The following PTPRD variants were observed in gnomAD, a reference collection of about 807,000 sequenced individuals.
PTPRD encodes the protein receptor-type tyrosine-protein phosphatase delta.
PTPRD carries 34 observed loss-of-function variants against 214.5 expected under a neutral mutation model. That is an observed-to-expected ratio of 0.16 (90% CI 0.12 to 0.21). PTPRD has a LOEUF of 0.21. PTPRD is among the 10% of genes least tolerant of loss of function. The probability of loss-of-function intolerance (pLI) is 1.00; values close to 1 mark genes in which losing one functional copy is unlikely to be tolerated. For synonymous variants in PTPRD, 1,128 were observed against 845.7 expected (o/e 1.33, Z -5.79); for missense variants, 2,545 against 2,398.7 (o/e 1.06, Z -1.27).
chr9:8,323,860 G>A (rs1177502799), intron 44 of PTPRD, among the ~76,000 whole-genome samples: 1 of 152,172 alleles, frequency 6.6e-6, no homozygotes, highest in Admixed American at 6.6e-5. Context: ...TTTGAAAGAA[G>A]TTCTACTGTG....
chr9:10,216,463 C>T (rs2099541504), intron 3 of PTPRD, among the ~76,000 whole-genome samples: 1 of 151,846 alleles, frequency 6.6e-6, no homozygotes, highest in African/African-American at 2.4e-5. Context: ...TTTAAAAGAT[C>T]AATTAACTAT....
intron 2 of PTPRD, among the ~76,000 whole-genome samples, chr9:10,479,582 G>C (rs931841870): frequency 1.3e-5 from 2 of 150,604 alleles, no homozygotes; most frequent in East Asian, 3.9e-4. Context: ...CCAAGACCAA[G>C]CTAGCCTGGG....
At chr9:10,264,624 C>T (rs375591406) in intron 3 of PTPRD, among the ~76,000 whole-genome samples, 6 of 152,150 alleles carry the variant, frequency 3.9e-5, no homozygotes, top group African/African-American at 1.4e-4. Flanking sequence ...GATTTTACAG[C>T]CTCATAGGCC....
chr9:9,666,961 G>A (rs901265071), intron 7 of PTPRD, among the ~76,000 whole-genome samples: 4 of 151,706 alleles, frequency 2.6e-5, no homozygotes, highest in Non-Finnish European at 4.4e-5. Context: ...AGTGTTTTTT[G>A]TAACATTATT....
intron 8 of PTPRD, among the ~76,000 whole-genome samples, chr9:9,567,461 A>T (rs1394691740): frequency 6.6e-6 from 1 of 152,010 alleles, no homozygotes; most frequent in Non-Finnish European, 1.5e-5. Context: ...TTTTGAGAAG[A>T]GATGTGGATG....
intron 30 of PTPRD, among the ~76,000 whole-genome samples, chr9:8,473,230 C>T (rs745974): frequency 0.04 from 6,145 of 152,240 alleles, 402 homozygotes; most frequent in African/African-American, 0.14. Context: ...CACAGGATTA[C>T]ACCAGCTAGC....
At chr9:9,397,098 C>G (rs1034681368) in intron 9 of PTPRD, among the ~76,000 whole-genome samples, 6 of 151,932 alleles carry the variant, frequency 3.9e-5, no homozygotes, top group Non-Finnish European at 7.4e-5. Context: ...GTGTCAGTAT[C>G]CACTGGGTAT....
intron 9 of PTPRD, among the ~76,000 whole-genome samples, chr9:9,235,975 C>A (rs527827422): frequency 6.6e-6 from 1 of 152,142 alleles, no homozygotes; most frequent in Admixed American, 6.5e-5. Flanking sequence ...TTAAAAAGAG[C>A]AAAATTGGCC....
chr9:8,583,558 T>A (rs1393964935), intron 14 of PTPRD, among the ~76,000 whole-genome samples: 1 of 152,202 alleles, frequency 6.6e-6, no homozygotes, highest in Non-Finnish European at 1.5e-5. Context: ...TGATACCAGT[T>A]ATGTAGATTA....
chr9:10,166,243 GA>G lies in PTPRD; in HGVS notation c.-544-132454del, dbSNP rs778596359. On this transcript the variant is annotated intron_variant, in intron 3 of 45. Transcript: ENST00000381196. ...CTAGTAATAAAGGGACTGAAAAATT[GA>G]AAAAAAAAAAAAACAAAACACTCAC... Among the ~76,000 whole-genome samples the G allele has an allele frequency of 1.9e-3, 144 of 76,350 alleles. 2 individuals carry two copies. Among genetic ancestry groups the G allele is most frequent in the Middle Eastern group, 0.014 (2 of 146 alleles). The allele number at this position is 76,350 out of a possible 152,430, so 50.1% of individuals were successfully genotyped here.
intron 3 of PTPRD, among the ~76,000 whole-genome samples, chr9:10,103,036 T>G (rs2098576375): frequency 6.6e-6 from 1 of 151,604 alleles, no homozygotes; most frequent in Non-Finnish European, 1.5e-5. Context: ...AGAAACCAAT[T>G]AAACATGTTA....
At chr9:9,532,925 T>G (rs1402218572) in intron 8 of PTPRD, among the ~76,000 whole-genome samples, 1 of 152,108 alleles carries the variant, frequency 6.6e-6, no homozygotes, top group African/African-American at 2.4e-5. Context: ...ATTTAAAAAT[T>G]TTGGTTTTAC....
At chr9:9,099,871 G>C (rs1361325369) in intron 10 of PTPRD, among the ~76,000 whole-genome samples, 2 of 152,132 alleles carry the variant, frequency 1.3e-5, no homozygotes, top group Admixed American at 1.3e-4. Flanking sequence ...TAGAGTTGGA[G>C]AGAGCTACAC....
intron 4 of PTPRD, among the ~76,000 whole-genome samples, chr9:10,029,668 T>C (rs1471521485): frequency 6.6e-6 from 1 of 152,210 alleles, no homozygotes. Context: ...CTATTGTACC[T>C]AGGAAGTAAC....
chr9:9,854,379 T>C (rs139456303), intron 5 of PTPRD, among the ~76,000 whole-genome samples: 145 of 152,254 alleles, frequency 9.5e-4, no homozygotes, highest in African/African-American at 2.3e-3. Context: ...GAAAAAAGCA[T>C]TGGGAATTTC....
rs191875202 is a variant in PTPRD, at chr9:9,035,736, G to A, written c.-142-17001C>T. ...TGTGTGTAATTGGGTATATTTGCTT[G>A]GCTATATAAAAGGGTGTGATTTTTT... On this transcript the variant is annotated intron_variant, in intron 10 of 45. Coordinates refer to ENST00000381196, the MANE Select transcript of PTPRD (RefSeq NM_002839.4). Among the ~76,000 whole-genome samples the A allele has an allele frequency of 3.7e-3, 563 of 152,108 alleles. 1 individual carries two copies. Among genetic ancestry groups the A allele is most frequent in the African/African-American group, 0.012 (504 of 41,500 alleles).
chr9:9,636,509 G>A (rs1168137358), intron 7 of PTPRD, among the ~76,000 whole-genome samples: 1 of 152,064 alleles, frequency 6.6e-6, no homozygotes, highest in East Asian at 1.9e-4. Context: ...CATACACAGA[G>A]CCTCAACTTG....
chr9:10,203,609 T>C lies in PTPRD; in HGVS notation c.-545+137354A>G, dbSNP rs865799691. 2.6e-5 allele frequency among the ~76,000 whole-genome samples: 4 copies of C among 152,330 alleles called. 1 individual carries two copies. In the Middle Eastern group the frequency reaches 0.01, roughly 389 times the overall value. On this transcript the variant is annotated intron_variant, in intron 3 of 45. Coordinates refer to ENST00000381196, the MANE Select transcript of PTPRD (RefSeq NM_002839.4). ...CACAGACAAGGGGCTAGATAAGCTC[T>C]ATGGATCCAGGATTCCATCATTTAT... is the stretch of plus-strand genomic sequence containing the variant.
At chr9:10,168,608 T>C (rs944489960) in intron 3 of PTPRD, among the ~76,000 whole-genome samples, 3 of 152,186 alleles carry the variant, frequency 2.0e-5, no homozygotes, top group Non-Finnish European at 4.4e-5. Context: ...CTTCCCATAT[T>C]TAAAAAAGAA....
Sources: gnomAD v4.1 joint callset for allele counts (sites outside exome capture counted in the v4.1 genomes callset) on GRCh38, gnomAD v4.1.1 for gene constraint, MANE v1.5 for transcripts, NCBI Gene and HGNC (gene_info 2026-07-23, HGNC 2026-07-21) for gene names.